The following COL11A1 variants were observed in gnomAD, a reference collection of about 807,000 sequenced individuals.
COL11A1 encodes the protein collagen alpha-1(XI) chain.
A neutral mutation model predicts 265.2 loss-of-function variants in COL11A1; 74 were observed. That is an observed-to-expected ratio of 0.28 (90% CI 0.23 to 0.34). COL11A1 has a LOEUF of 0.34. Among genes scored for constraint, COL11A1 ranks in the 10% least tolerant of loss-of-function variants. COL11A1 has a pLI of 1.00. For missense variants in COL11A1, 2,165 were observed against 2,263.6 expected (o/e 0.96, Z 0.88); for synonymous variants, 816 against 727.6 (o/e 1.12, Z -1.96).
At chr1:102,932,099 G>A (rs1219784273) in intron 46 of COL11A1, among the ~76,000 whole-genome samples, 1 of 150,700 alleles carries the variant, frequency 6.6e-6, no homozygotes, top group Non-Finnish European at 1.5e-5. Context: ...TACATTTAAA[G>A]TTAATATTGT....
chr1:103,034,168 T>C (rs2102011115), intron 4 of COL11A1, among the ~76,000 whole-genome samples: 1 of 152,252 alleles, frequency 6.6e-6, no homozygotes, highest in Non-Finnish European at 1.5e-5. Context: ...TTGATTATGA[T>C]GTATCTGGAT....
chr1:102,890,516 CAA>C lies in COL11A1; in HGVS notation c.4303-14_4303-13del, dbSNP rs35232764. 14 of 1,417,034 alleles carry C rather than the reference CAA, an allele frequency of 9.9e-6. No individual in the cohort carries two copies. Among genetic ancestry groups the C allele is most frequent in the African/African-American group, 7.2e-5 (5 of 69,250 alleles). 87.8% of individuals were successfully genotyped at this position (1,417,034 alleles called of 1,614,324 possible). On this transcript the variant is annotated splice_polypyrimidine_tract_variant and intron_variant, in intron 57 of 66. Transcript: ENST00000370096. Reference sequence around the variant, plus strand: ...AAGCCAGGAGGTCCCTAAATAATAACAAAAAAAAAACCCCAAAACAAAAACAG... The same window carrying C: ...AAGCCAGGAGGTCCCTAAATAATAACAAAAAAAACCCCAAAACAAAAACAG...
chr1:102,888,145 A>C (rs931404260), intron 62 of COL11A1, among the ~76,000 whole-genome samples: 2 of 152,192 alleles, frequency 1.3e-5, no homozygotes, highest in African/African-American at 4.8e-5. Context: ...AGTTATGTGA[A>C]GCCTAGAACA....
intron 4 of COL11A1, among the ~76,000 whole-genome samples, chr1:103,061,250 A>C (rs1292474174): frequency 6.6e-6 from 1 of 152,160 alleles, no homozygotes; most frequent in African/African-American, 2.4e-5. Flanking sequence ...AAAATACATG[A>C]AGCAAAATCT....
At chr1:103,004,047 A>G (rs1303721823) in intron 20 of COL11A1, among the ~76,000 whole-genome samples, 3 of 152,142 alleles carry the variant, frequency 2.0e-5, no homozygotes, top group Non-Finnish European at 4.4e-5. Context: ...TGGTGGAGAA[A>G]AGTGATATAT....
rs1032626412 is a variant in COL11A1 at position 102,923,298 on chromosome 1, T to A, written c.3654+38A>T. ...TACAAACCAGTGACTGCCATGCATATAACACATACCCATCAAACACCAAAA... is the reference window on the plus strand; with the variant it reads ...TACAAACCAGTGACTGCCATGCATAAAACACATACCCATCAAACACCAAAA... On this transcript the variant is annotated intron_variant, in intron 47 of 66. Coordinates refer to ENST00000370096, the MANE Select transcript of COL11A1 (RefSeq NM_001854.4). The A allele has an allele frequency of 3.2e-6, 5 of 1,548,318 alleles. No individual in the cohort carries two copies. The African/African-American group carries it at 4.1e-5, about 13-fold the overall frequency.
chr1:102,915,426 A>G (rs1316465513), intron 50 of COL11A1, among the ~76,000 whole-genome samples: 1 of 152,172 alleles, frequency 6.6e-6, no homozygotes, highest in African/African-American at 2.4e-5. Context: ...AGCAAATATG[A>G]TATTTTTTCA....
chr1:102,888,452 T>C lies in COL11A1; in HGVS notation c.4608+125A>G, dbSNP rs1570634580. The C allele has an allele frequency of 1.2e-5, 10 of 829,962 alleles. No individual in the cohort carries two copies. The East Asian group carries it at 2.6e-4, about 22-fold the overall frequency. The allele number at this position is 829,962 out of a possible 1,614,324, so 51.4% of individuals were successfully genotyped here. ...AGATTTGATTACTTAAATGATATAATGTTTCCTATAAAATCAGCACTTTTG... is the reference window on the plus strand; with the variant it reads ...AGATTTGATTACTTAAATGATATAACGTTTCCTATAAAATCAGCACTTTTG... On this transcript the variant is annotated intron_variant, in intron 62 of 66. Transcript: ENST00000370096.
intron 4 of COL11A1, among the ~76,000 whole-genome samples, chr1:103,046,904 T>A (rs1388420694): frequency 6.6e-6 from 1 of 152,148 alleles, no homozygotes. Context: ...TTGTCAAAGA[T>A]CAGATAGCTG....
intron 46 of COL11A1, among the ~76,000 whole-genome samples, chr1:102,928,679 G>A (rs9433948): frequency 6.8e-6 from 1 of 147,522 alleles, no homozygotes; most frequent in African/African-American, 2.5e-5. Flanking sequence ...CACTGACTTC[G>A]ACAATGGTTG....
At chr1:102,944,700 T>C (rs1028446154) in intron 42 of COL11A1, among the ~76,000 whole-genome samples, 2 of 152,174 alleles carry the variant, frequency 1.3e-5, no homozygotes, top group Non-Finnish European at 2.9e-5. Context: ...TCTTCATAAA[T>C]CTAAGGTTTT....
At chr1:102,935,585 C>T (rs1214065603) in intron 44 of COL11A1, among the ~76,000 whole-genome samples, 1 of 152,066 alleles carries the variant, frequency 6.6e-6, no homozygotes, top group Non-Finnish European at 1.5e-5. Flanking sequence ...CATATGCGTA[C>T]ACATGTAAAC....
rs140146463 is a variant in COL11A1, at chr1:103,065,630, T to C, written c.651+8988A>G. On this transcript the variant is annotated intron_variant, in intron 4 of 66. Transcript: ENST00000370096. Reference sequence around the variant, plus strand: ...TGCCAACCCTGAGATAGGGTGGACATTGAAACTCTCAGGAAGAGTTTTTAA... The same window carrying C: ...TGCCAACCCTGAGATAGGGTGGACACTGAAACTCTCAGGAAGAGTTTTTAA... Among the ~76,000 whole-genome samples the C allele has an allele frequency of 5.5e-3, 820 of 149,824 alleles. 11 individuals carry two copies. The highest frequency in any genetic ancestry group is 0.019 in the African/African-American group (773 of 40,832).
intron 25 of COL11A1, among the ~76,000 whole-genome samples, 184 bp from the exon 26 acceptor site, chr1:102,997,308 A>C (rs1664725007): frequency 6.6e-6 from 1 of 152,032 alleles, no homozygotes. Context: ...TTTGGAAGTA[A>C]ACATGACAAG....
At chr1:103,008,619 T>C (rs933506271) in intron 14 of COL11A1, 103 bp from the exon 15 acceptor site, 1 of 990,534 alleles carries the variant, frequency 1.0e-6, no homozygotes, top group African/African-American at 1.6e-5. Context: ...TCAAAATATA[T>C]TTAATCATAT....
rs141755285 is a variant in COL11A1 at position 103,079,525 on chromosome 1, T to C, written c.275-654A>G. ...TATCTAGCATACAGTCTGATCTACA[T>C]TGGTCCTTACTAAGCATCTGTTATA... On this transcript the variant is annotated intron_variant, in intron 2 of 66. Coordinates refer to ENST00000370096, the MANE Select transcript of COL11A1 (RefSeq NM_001854.4). Among the ~76,000 whole-genome samples, 732 of 152,160 alleles carry C rather than the reference T, an allele frequency of 4.8e-3. 4 individuals are homozygous for C. Among genetic ancestry groups the C allele is most frequent in the Non-Finnish European group, 8.0e-3 (540 of 67,920 alleles).
chr1:102,983,974 A>G (rs963303209), intron 31 of COL11A1, among the ~76,000 whole-genome samples, 164 bp downstream of exon 31: 2 of 152,008 alleles, frequency 1.3e-5, no homozygotes, highest in Non-Finnish European at 2.9e-5. Context: ...AAGCTCTTTG[A>G]GCTCCCTGCA....
At chr1:103,025,874 G>A (rs1405753483) in intron 6 of COL11A1, 1 of 1,613,246 alleles carries the variant, frequency 6.2e-7, no homozygotes, top group African/African-American at 1.3e-5. Context: ...TCAGATTTGG[G>A]GGGTGTAAAC....
intron 1 of COL11A1, among the ~76,000 whole-genome samples, chr1:103,085,300 G>A (rs1299215153): frequency 6.6e-6 from 1 of 152,132 alleles, no homozygotes; most frequent in Non-Finnish European, 1.5e-5. Context: ...CCAAATGGCT[G>A]GAGCCCAACC....
Sources: gnomAD v4.1 joint callset for allele counts (sites outside exome capture counted in the v4.1 genomes callset) on GRCh38, gnomAD v4.1.1 for gene constraint, MANE v1.5 for transcripts, NCBI Gene and HGNC (gene_info 2026-07-23, HGNC 2026-07-21) for gene names.